The following PPP1R9A variants were observed in gnomAD, a reference collection of about 807,000 sequenced individuals.
The protein encoded by PPP1R9A is protein phosphatase 1 regulatory subunit 9A.
Under a neutral mutation model 141.9 loss-of-function variants are expected in PPP1R9A, and 59 were observed. That is an observed-to-expected ratio of 0.42 (90% CI 0.34 to 0.52). PPP1R9A has a LOEUF of 0.52. Ranked by LOEUF, PPP1R9A falls within the 20% of genes least tolerant of loss-of-function variation. The probability of loss-of-function intolerance (pLI) is 0.10; values close to 1 mark genes in which losing one functional copy is unlikely to be tolerated. For synonymous variants in PPP1R9A, 500 were observed against 569.7 expected (o/e 0.88, Z 1.74); for missense variants, 1,444 against 1,611.9 (o/e 0.90, Z 1.78).
intron 5 of PPP1R9A, among the ~76,000 whole-genome samples, chr7:95,165,642 T>G (rs771030401): frequency 1.3e-5 from 2 of 152,202 alleles, no homozygotes; most frequent in African/African-American, 2.4e-5. Flanking sequence ...CAGCTACAAC[T>G]TACACATATT....
intron 2 of PPP1R9A, among the ~76,000 whole-genome samples, chr7:95,009,361 C>A (rs1584254084): frequency 6.6e-6 from 1 of 152,174 alleles, no homozygotes; most frequent in Non-Finnish European, 1.5e-5. Flanking sequence ...TGCCTACTCT[C>A]TTGACAGGGA....
chr7:95,258,677 C>T (rs1799973519), intron 12 of PPP1R9A, among the ~76,000 whole-genome samples: 1 of 151,974 alleles, frequency 6.6e-6, no homozygotes, highest in East Asian at 1.9e-4. Flanking sequence ...AAAAACACAA[C>T]CAACATAGTA....
chr7:95,236,373 A>G (rs1181435099), intron 8 of PPP1R9A, among the ~76,000 whole-genome samples: 1 of 152,022 alleles, frequency 6.6e-6, no homozygotes, highest in African/African-American at 2.4e-5. Context: ...TATATAAACC[A>G]TCTGTGCATT....
intron 2 of PPP1R9A, among the ~76,000 whole-genome samples, chr7:95,089,990 G>A (rs1817124896): frequency 6.6e-6 from 1 of 151,892 alleles, no homozygotes; most frequent in Non-Finnish European, 1.5e-5. Context: ...TCAGCCAAAT[G>A]TCTGAAAGAA....
At chr7:95,230,826 G>T (rs768696171) in intron 8 of PPP1R9A, among the ~76,000 whole-genome samples, 7 of 152,168 alleles carry the variant, frequency 4.6e-5, no homozygotes, top group Non-Finnish European at 7.4e-5. Flanking sequence ...AATCTCACAG[G>T]ACCTTTATAA....
rs1457637219 is a variant in PPP1R9A at position 95,120,761 on chromosome 7, T to C, written c.1578T>C (p.Asp526=). 6.2e-7 allele frequency: 1 copy of C among 1,614,074 alleles called. No individual in the cohort carries two copies. Among genetic ancestry groups the C allele is most frequent in the South Asian group, 1.1e-5 (1 of 91,074 alleles). The change falls in exon 4 of 20, where the codon GAT becomes GAC. Residue 526 remains aspartate, a synonymous_variant. Transcript: ENST00000433360. ...TTATTGGAATGGGTGTTGGAGCAGA[T>C]GCTGGACTTGAAAAGCTGGGAATAT... ...ISIIGMGVGA[D]AGLEKLGIFV...
intron 2 of PPP1R9A, among the ~76,000 whole-genome samples, chr7:94,924,808 G>C (rs1368412157): frequency 6.6e-6 from 1 of 152,154 alleles, no homozygotes; most frequent in Non-Finnish European, 1.5e-5. Context: ...GGGATTACAG[G>C]AGTGTGCCAC....
At chr7:95,040,880 C>T (rs1809136029) in intron 2 of PPP1R9A, among the ~76,000 whole-genome samples, 1 of 152,160 alleles carries the variant, frequency 6.6e-6, no homozygotes, top group South Asian at 2.1e-4. Context: ...TCCTCTCTCT[C>T]CCTGCTGAAA....
chr7:95,015,935 C>T (rs1418875611), intron 2 of PPP1R9A, among the ~76,000 whole-genome samples: 1 of 151,962 alleles, frequency 6.6e-6, no homozygotes, highest in Non-Finnish European at 1.5e-5. Context: ...TGCCTGTAGG[C>T]CTAGCTACTC....
chr7:95,039,318 C>T (rs181534389), intron 2 of PPP1R9A, among the ~76,000 whole-genome samples: 1 of 152,144 alleles, frequency 6.6e-6, no homozygotes, highest in African/African-American at 2.4e-5. Context: ...GCCTGTAATC[C>T]AGCACTTTGG....
intron 2 of PPP1R9A, among the ~76,000 whole-genome samples, chr7:94,995,278 G>C (rs181299105): frequency 6.6e-6 from 1 of 152,008 alleles, no homozygotes; most frequent in East Asian, 1.9e-4. Context: ...ATATGCCTTG[G>C]TGCCTTTTTC....
In PPP1R9A at chr7:95,229,648, C is replaced by A. The variant is rs540089160; in HGVS notation, c.2112+3532C>A. Among the ~76,000 whole-genome samples the A allele has an allele frequency of 5.1e-4, 78 of 152,260 alleles. 2 individuals are homozygous for A. The highest frequency in any genetic ancestry group is 1.9e-3 in the African/African-American group (77 of 41,556). The stretch of plus-strand genomic sequence containing the variant: ...AAGGAGAGACTGAGCTAAGACACTC[C>A]TGTCCCTCCCCCAACCTGGTGGTCT... On this transcript the variant is annotated intron_variant, in intron 8 of 19. Transcript: ENST00000433360.
intron 2 of PPP1R9A, among the ~76,000 whole-genome samples, chr7:95,083,395 G>A (rs976657241): frequency 1.3e-5 from 2 of 151,932 alleles, no homozygotes; most frequent in African/African-American, 4.8e-5. Flanking sequence ...AGAAGGGAGG[G>A]AGAAGGTTAC....
intron 16 of PPP1R9A, among the ~76,000 whole-genome samples, chr7:95,279,808 C>T (rs1355849897): frequency 6.6e-6 from 1 of 152,176 alleles, no homozygotes; most frequent in Non-Finnish European, 1.5e-5. Context: ...GATTTCTATT[C>T]ATACAAATTT....
intron 2 of PPP1R9A, among the ~76,000 whole-genome samples, chr7:95,070,228 C>G (rs1025737214): frequency 6.6e-6 from 1 of 151,974 alleles, no homozygotes; most frequent in African/African-American, 2.4e-5. Flanking sequence ...GGGTAAACAT[C>G]ATATATGTAA....
intron 2 of PPP1R9A, among the ~76,000 whole-genome samples, chr7:94,944,803 G>A (rs181313943): frequency 1.2e-3 from 176 of 152,078 alleles, no homozygotes; most frequent in African/African-American, 4.1e-3. Flanking sequence ...AATTTTAATT[G>A]CATTGGAGGT....
At position 94,910,386 on chromosome 7, in the gene PPP1R9A, T is replaced by TGGAC. The variant is rs1252688359; in HGVS notation, c.274_277dup (p.His93ArgfsTer24). 6.2e-7 allele frequency: 1 copy of TGGAC among 1,613,994 alleles called. No individual in the cohort carries two copies. Among genetic ancestry groups the TGGAC allele is most frequent in the South Asian group, 1.1e-5 (1 of 91,056 alleles). On this transcript the variant is annotated frameshift_variant, in exon 2 of 20. Coordinates refer to ENST00000433360, the MANE Select transcript of PPP1R9A (RefSeq NM_001166160.2). LOFTEE classifies it high-confidence loss of function. This position sits in a 1 kb window ranked among gnomAD's most constrained non-coding sequence, Gnocchi z 4.5. ...TCATTGCCAAAACAAGGGGGAAAGGTGGACATTCATCTCCTCAGAGAAGAA... is the reference window on the plus strand; with the variant it reads ...TCATTGCCAAAACAAGGGGGAAAGGTGGACGGACATTCATCTCCTCAGAGAAGAA...
chr7:95,191,116 T>G (rs1442143069), intron 5 of PPP1R9A, among the ~76,000 whole-genome samples: 5 of 152,226 alleles, frequency 3.3e-5, no homozygotes, highest in Non-Finnish European at 7.3e-5. Flanking sequence ...GTTTAATTGT[T>G]GTTTAACTTG....
At chr7:95,059,349 A>G (rs921026178) in intron 2 of PPP1R9A, among the ~76,000 whole-genome samples, 9 of 152,078 alleles carry the variant, frequency 5.9e-5, no homozygotes, top group Admixed American at 1.3e-4. Context: ...ATACTTTTAT[A>G]TTTCTTTTTA....
Sources: gnomAD v4.1 joint callset for allele counts (sites outside exome capture counted in the v4.1 genomes callset) on GRCh38, gnomAD v4.1.1 for gene constraint, Gnocchi (gnomAD v3.1) non-coding constraint, MANE v1.5 for transcripts, NCBI Gene and HGNC (gene_info 2026-07-23, HGNC 2026-07-21) for gene names.